Variants in ABI1 observed in about 807,000 individuals in gnomAD.
The protein encoded by ABI1 is Abelson interactor 1.
ABI1 carries 14 observed loss-of-function variants against 54.6 expected under a neutral mutation model. That is an observed-to-expected ratio of 0.26 (90% CI 0.17 to 0.40). ABI1 has a LOEUF of 0.40. ABI1 is among the 10% of genes least tolerant of loss of function. ABI1 has a pLI of 1.00. For missense variants in ABI1, 443 were observed against 598.3 expected, an observed-to-expected ratio of 0.74 and a Z score of 2.71; for synonymous variants, 194 against 209.3, an observed-to-expected ratio of 0.93 and a Z score of 0.63.
chr10:26,827,299 G>A (rs188816744), intron 1 of ABI1, among the ~76,000 whole-genome samples: 143 of 150,354 alleles, frequency 9.5e-4, no homozygotes, highest in African/African-American at 3.1e-3. Context: ...TCGGCTCACC[G>A]CAAGCTCCTT....
At position 26,860,407 on chromosome 10, in the gene ABI1, T is replaced by C. The variant is rs1314009739; in HGVS notation, c.117+340A>G. ...GACTCCAGCCCTGCGGACTGGAGGCTACCTGGGGGGCGCGCGACCCCGGTG... is the reference window on the plus strand; with the variant it reads ...GACTCCAGCCCTGCGGACTGGAGGCCACCTGGGGGGCGCGCGACCCCGGTG... On this transcript the variant is annotated intron_variant, in intron 1 of 10. Transcript: ENST00000376140. This position sits in a 1 kb window ranked among gnomAD's most constrained non-coding sequence, Gnocchi z 4.1. Among the ~76,000 whole-genome samples, 1 of 152,100 alleles carries C rather than the reference T, an allele frequency of 6.6e-6. No homozygotes were observed. The highest frequency in any genetic ancestry group is 1.9e-4 in the East Asian group (1 of 5,170).
At chr10:26,815,434 A>G (rs1440128479) in intron 2 of ABI1, among the ~76,000 whole-genome samples, 1 of 152,228 alleles carries the variant, frequency 6.6e-6, no homozygotes, top group Non-Finnish European at 1.5e-5. Context: ...ATGAGAATTG[A>G]ATTCAGTAAG....
chr10:26,811,616 G>A (rs1259942211), intron 2 of ABI1, among the ~76,000 whole-genome samples: 5 of 151,386 alleles, frequency 3.3e-5, no homozygotes, highest in Admixed American at 3.3e-4. Context: ...CAGGAAACTT[G>A]AGAAATTTTT....
intron 6 of ABI1, among the ~76,000 whole-genome samples, chr10:26,765,662 G>C (rs369615229): frequency 1.3e-5 from 2 of 148,178 alleles, no homozygotes; most frequent in South Asian, 2.2e-4. Context: ...GGAAAGGAGA[G>C]AGGGAGGGAG....
At position 26,748,046 on chromosome 10, in the gene ABI1, GT is replaced by G; in HGVS notation, c.*523del. On this transcript the variant is annotated 3_prime_UTR_variant, in exon 11 of 11. Transcript: ENST00000376140. ...AGACACCTAAGTACGAGTCCTCCAG[GT>G]AAATATTACACAAATGGGAAGCATC... The G allele has an allele frequency of 4.9e-6, 1 of 205,022 alleles. No homozygotes were observed. The highest frequency in any genetic ancestry group is 7.5e-5 in the East Asian group (1 of 13,262). 12.7% of individuals were successfully genotyped at this position (205,022 alleles called of 1,614,324 possible).
intron 2 of ABI1, among the ~76,000 whole-genome samples, chr10:26,822,269 A>C (rs1397083664): frequency 6.6e-6 from 1 of 152,212 alleles, no homozygotes; most frequent in African/African-American, 2.4e-5. Flanking sequence ...CAGCAAACTA[A>C]GACTAAGTGG....
chr10:26,804,374 C>A (rs1322365952), intron 2 of ABI1, among the ~76,000 whole-genome samples: 2 of 148,588 alleles, frequency 1.3e-5, no homozygotes, highest in Non-Finnish European at 3.0e-5. Context: ...CAGAGCAAGG[C>A]TCTATTTAAA....
intron 1 of ABI1, among the ~76,000 whole-genome samples, chr10:26,841,299 A>G (rs972751681): frequency 6.6e-6 from 1 of 152,034 alleles, no homozygotes; most frequent in African/African-American, 2.4e-5. Flanking sequence ...TTTATTGTAT[A>G]TATTTAAAGC....
At position 26,835,819 on chromosome 10, in the gene ABI1, G is replaced by A. The variant is rs371686325; in HGVS notation, c.118-12514C>T. 1.5e-3 allele frequency among the ~76,000 whole-genome samples: 226 copies of A among 148,888 alleles called. 3 individuals carry two copies. The highest frequency in any genetic ancestry group is 5.4e-3 in the African/African-American group (218 of 40,242). On this transcript the variant is annotated intron_variant, in intron 1 of 10. Coordinates refer to ENST00000376140, the MANE Select transcript of ABI1 (RefSeq NM_001012750.3). ...GAGACTGGGTCCAGGCTAGAGTGCAGTGGCTCAATTATGGCTCACTGCAGC... is the reference window on the plus strand; with the variant it reads ...GAGACTGGGTCCAGGCTAGAGTGCAATGGCTCAATTATGGCTCACTGCAGC...
chr10:26,829,134 G>A (rs538971824), intron 1 of ABI1, among the ~76,000 whole-genome samples: 68 of 151,934 alleles, frequency 4.5e-4, no homozygotes, highest in African/African-American at 1.5e-3. Flanking sequence ...GCTGAGGCAG[G>A]AGAATGGCGT....
intron 7 of ABI1, among the ~76,000 whole-genome samples, chr10:26,760,924 C>G (rs373982833): frequency 0.013 from 1,792 of 142,508 alleles, 45 homozygotes; most frequent in African/African-American, 0.039. Flanking sequence ...AAAGAGTAAG[C>G]CTTTAACTGT....
intron 1 of ABI1, among the ~76,000 whole-genome samples, chr10:26,852,371 C>T (rs1448448665): frequency 5.9e-5 from 9 of 152,110 alleles, no homozygotes; most frequent in African/African-American, 1.4e-4. Flanking sequence ...CCCAGCTACT[C>T]AGGATGCCGA....
chr10:26,768,725 C>T, intron 6 of ABI1, 127 bp downstream of exon 6: 2 of 727,756 alleles, frequency 2.7e-6, no homozygotes, highest in Non-Finnish European at 4.4e-6. Context: ...TATTATTCCC[C>T]CAACTTTTAC....
intron 1 of ABI1, among the ~76,000 whole-genome samples, chr10:26,835,323 C>A (rs1227845985): frequency 6.6e-6 from 1 of 152,042 alleles, no homozygotes; most frequent in Non-Finnish European, 1.5e-5. Flanking sequence ...ACCTGTAATT[C>A]CAGCAATTTG....
chr10:26,802,561 A>G (rs1300880688), intron 2 of ABI1, among the ~76,000 whole-genome samples: 3 of 152,234 alleles, frequency 2.0e-5, no homozygotes, highest in Non-Finnish European at 4.4e-5. Context: ...ATCAATGACA[A>G]TCATTCACAG....
intron 7 of ABI1, among the ~76,000 whole-genome samples, chr10:26,763,595 G>T (rs184805880): frequency 6.7e-6 from 1 of 149,254 alleles, no homozygotes; most frequent in Non-Finnish European, 1.5e-5. Flanking sequence ...TGCGGGGCAG[G>T]GGGGATTAGA....
intron 1 of ABI1, among the ~76,000 whole-genome samples, chr10:26,827,583 CTTTCTGTT>C (rs2048383072): frequency 7.3e-6 from 1 of 136,860 alleles, no homozygotes; most frequent in Admixed American, 8.2e-5. Flanking sequence ...AGGCTTTTCA[CTTTCTGTT>C]TTTTGTTTTT....
chr10:26,812,269 A>G (rs1294604293), intron 2 of ABI1, among the ~76,000 whole-genome samples: 1 of 152,196 alleles, frequency 6.6e-6, no homozygotes, highest in Non-Finnish European at 1.5e-5. Context: ...TACTCAATAC[A>G]GCATAGCATG....
At chr10:26,840,636 C>T (rs2049429649) in intron 1 of ABI1, among the ~76,000 whole-genome samples, 1 of 152,080 alleles carries the variant, frequency 6.6e-6, no homozygotes, top group Admixed American at 6.6e-5. Context: ...ATAAAACTTA[C>T]AAAACTGTAA....
Sources: gnomAD v4.1 joint callset for allele counts (sites outside exome capture counted in the v4.1 genomes callset) on GRCh38, gnomAD v4.1.1 for gene constraint, Gnocchi (gnomAD v3.1) non-coding constraint, MANE v1.5 for transcripts, NCBI Gene and HGNC (gene_info 2026-07-23, HGNC 2026-07-21) for gene names.